The following CA6 variants were observed in gnomAD, a reference collection of about 807,000 sequenced individuals.
The protein encoded by CA6 is carbonic anhydrase 6, also known as carbonate dehydratase VI.
In CA6, 28 loss-of-function variants were observed where a neutral mutation model predicts 35.9. The observed-to-expected ratio is 0.78, with a 90% confidence interval of 0.58 to 1.07. CA6 has a LOEUF of 1.07. Ranked by LOEUF, CA6 falls within the 50% of genes least tolerant of loss-of-function variation. The pLI is 0.00. For synonymous variants in CA6, 148 were observed against 152.6 expected (o/e 0.97, Z 0.22); for missense variants, 377 against 382.0 (o/e 0.99, Z 0.11).
rs1640092755 is a variant in CA6, at chr1:8,970,904, A to G, written c.767A>G (p.Asn256Ser). The change falls in exon 7 of 8, where the codon AAC becomes AGC. Residue 256 changes from asparagine to serine, a missense_variant. Physicochemically the swap from Asn to Ser is conservative, Grantham distance 46. Coordinates refer to ENST00000377443, the MANE Select transcript of CA6 (RefSeq NM_001215.4). ...GAGAATTCCTTACTGGATCACCGCA[A>G]CAAGACCATCCACAACGATTACCGC... ...KLENSLLDHR[N>S]KTIHNDYRRT... The G allele has an allele frequency of 2.5e-6, 4 of 1,614,050 alleles. No homozygotes were observed. Among genetic ancestry groups the G allele is most frequent in the Middle Eastern group, 1.6e-4 (1 of 6,062 alleles).
intron 6 of CA6, among the ~76,000 whole-genome samples, chr1:8,969,130 A>G (rs1372225512): frequency 2.0e-5 from 3 of 152,314 alleles, no homozygotes; most frequent in East Asian, 1.9e-4. Context: ...CCTGGCCAAC[A>G]TGGTGAAACC....
Position 8,970,983 on chromosome 1 carries a change from T to C in CA6, c.844+2T>C, listed in dbSNP as rs1226276114. 6.3e-7 allele frequency: 1 copy of C among 1,581,640 alleles called. No individual in the cohort carries two copies. Among genetic ancestry groups the C allele is most frequent in the Non-Finnish European group, 8.7e-7 (1 of 1,150,544 alleles). Reference sequence around the variant, plus strand: ...TGGAATCCAACTTCCCGAATCAGGGTGAGTGAGACCGACTCTTGATCATGC... The same window carrying C: ...TGGAATCCAACTTCCCGAATCAGGGCGAGTGAGACCGACTCTTGATCATGC... On this transcript the variant is annotated splice_donor_variant, in intron 7 of 7. Coordinates refer to ENST00000377443, the MANE Select transcript of CA6 (RefSeq NM_001215.4). LOFTEE classifies it high-confidence loss of function.
At chr1:8,967,591 C>T in intron 5 of CA6, 68 bp from the exon 6 acceptor site, 1 of 1,375,278 alleles carries the variant, frequency 7.3e-7, no homozygotes, top group South Asian at 1.3e-5. Flanking sequence ...GAGGCCTGGG[C>T]CTGAGCTGTC....
chr1:8,962,649 G>A lies in CA6; in HGVS notation c.564G>A (p.Lys188=). ...TCATTTCTCATCTGGCCAACATCAA[G>A]TACCCAGGTAAGGGAAGCCAACTGT... ...SNFISHLANI[K]YPGQRTTLTG... is the part of the protein sequence containing the mutation. The change falls in exon 5 of 8, where the codon AAG becomes AAA. Residue 188 remains lysine, a synonymous_variant. Transcript: ENST00000377443. 6.2e-7 allele frequency: 1 copy of A among 1,613,650 alleles called. No individual in the cohort carries two copies. The highest frequency in any genetic ancestry group is 8.5e-7 in the Non-Finnish European group (1 of 1,179,584).
chr1:8,949,497 G>A, intron 2 of CA6, 55 bp downstream of exon 2: 1 of 1,479,310 alleles, frequency 6.8e-7, no homozygotes, highest in Non-Finnish European at 9.4e-7. Context: ...GCAGGGGAAG[G>A]CAGGTTACAC....
At chr1:8,961,100 TA>T (rs1639831950) in intron 4 of CA6, among the ~76,000 whole-genome samples, 1 of 151,674 alleles carries the variant, frequency 6.6e-6, no homozygotes, top group Non-Finnish European at 1.5e-5. Context: ...CTATATCCAA[TA>T]AACCACCCTT....
intron 2 of CA6, among the ~76,000 whole-genome samples, chr1:8,953,708 G>C (rs535989321): frequency 2.0e-5 from 3 of 152,254 alleles, no homozygotes; most frequent in African/African-American, 7.2e-5. Context: ...TAATTACCAA[G>C]AGCTTGCTTG....
Position 8,962,596 on chromosome 1 carries a change from T to G in CA6, c.511T>G (p.Tyr171Asp). The change falls in exon 5 of 8, where the codon TAC becomes GAC. Residue 171 changes from tyrosine (Y) to aspartate (D), a missense_variant. Physicochemically the swap from Tyr to Asp is radical, Grantham distance 160. Transcript: ENST00000377443. ...VLAAFVEVKN[Y>D]PENTYYSNFI... Reference sequence around the variant, plus strand: ...CTGTGTTTCTCTGCAGGTGAAGAATTACCCTGAAAACACTTATTACAGCAA... The same window carrying G: ...CTGTGTTTCTCTGCAGGTGAAGAATGACCCTGAAAACACTTATTACAGCAA... 6.2e-7 allele frequency: 1 copy of G among 1,613,778 alleles called. No individual in the cohort carries two copies. Among genetic ancestry groups the G allele is most frequent in the Non-Finnish European group, 8.5e-7 (1 of 1,179,638 alleles).
chr1:8,968,168 G>A (rs1386619333), intron 6 of CA6, among the ~76,000 whole-genome samples: 2 of 151,856 alleles, frequency 1.3e-5, no homozygotes, highest in African/African-American at 4.8e-5. Context: ...GTTTTATTAT[G>A]TTGCCCAGGC....
At position 8,974,615 on chromosome 1, in the gene CA6, T is replaced by C; in HGVS notation, c.845-7T>C. On this transcript the variant is annotated splice_polypyrimidine_tract_variant and splice_region_variant and intron_variant, in intron 7 of 7. Transcript: ENST00000377443. ...TAACCATTTCCGACTAACTCTTCTT[T>C]TTACAGAATACACTCTAGGCTCTGA... 6.3e-7 allele frequency: 1 copy of C among 1,594,986 alleles called. No individual in the cohort carries two copies. The highest frequency in any genetic ancestry group is 8.6e-7 in the Non-Finnish European group (1 of 1,165,042).
chr1:8,970,941 C>T lies in CA6; in HGVS notation c.804C>T (p.Pro268=). ...ACAACGATTACCGCAGGACCCAGCC[C>T]CTGAACCACAGAGTGGTGGAATCCA... is the stretch of plus-strand genomic sequence containing the variant. ...TIHNDYRRTQ[P]LNHRVVESNF... Residue 268 remains proline (P), a synonymous_variant, in exon 7 of 8, where the codon CCC becomes CCT. Coordinates refer to ENST00000377443, the MANE Select transcript of CA6 (RefSeq NM_001215.4). 6.2e-7 allele frequency: 1 copy of T among 1,614,022 alleles called. No homozygotes were observed. The highest frequency in any genetic ancestry group is 1.1e-5 in the South Asian group (1 of 91,080).
intron 1 of CA6, 138 bp downstream of exon 1, chr1:8,946,103 T>C (rs1305532741): frequency 1.1e-5 from 7 of 609,508 alleles, no homozygotes; most frequent in Admixed American, 6.2e-5. Context: ...AGTAGTGTGA[T>C]GTTGGCTCAC....
At chr1:8,962,010 T>C (rs1639853448) in intron 4 of CA6, among the ~76,000 whole-genome samples, 1 of 152,014 alleles carries the variant, frequency 6.6e-6, no homozygotes, top group African/African-American at 2.4e-5. Context: ...GAGGCCGAGG[T>C]GGGCCGATCA....
At chr1:8,959,931 C>CAAAAAAAAAAAAAAAAAAAAAAA (rs373250863) in intron 4 of CA6, among the ~76,000 whole-genome samples, 11 of 75,172 alleles carry the variant, frequency 1.5e-4, no homozygotes, top group African/African-American at 7.4e-4. Flanking sequence ...GATTCTATCT[C>CAAAAAAAAAAAAAAAAAAAAAAA]AAAAAAAAAA....
At chr1:8,955,535 T>C (rs1397334709) in intron 2 of CA6, among the ~76,000 whole-genome samples, 1 of 143,966 alleles carries the variant, frequency 6.9e-6, no homozygotes, top group African/African-American at 2.6e-5. Context: ...ATTTCTCCTG[T>C]GGTGCTTACT....
At chr1:8,949,015 G>T (rs550173661) in intron 1 of CA6, among the ~76,000 whole-genome samples, 52 of 151,442 alleles carry the variant, frequency 3.4e-4, no homozygotes, top group Middle Eastern at 3.5e-3. Context: ...ACACTGTCTT[G>T]CTCCCAGGGC....
At position 8,973,760 on chromosome 1, in the gene CA6, CT is replaced by C. The variant is rs1263884124; in HGVS notation, c.845-859del. Among the ~76,000 whole-genome samples the C allele has an allele frequency of 2.3e-3, 51 of 21,746 alleles. 1 individual carries two copies. Among genetic ancestry groups the C allele is most frequent in the African/African-American group, 0.022 (50 of 2,304 alleles). The allele number at this position is 21,746 out of a possible 152,430, so 14.3% of individuals were successfully genotyped here. On this transcript the variant is annotated intron_variant, in intron 7 of 7. Transcript: ENST00000377443. ...TCTTTCTTTCTTTCTTTCTTTCTTT[CT>C]TTCTTTCTTTCTTTCTTTCTTTCTT...
chr1:8,958,611 A>G (rs554580086), intron 3 of CA6, among the ~76,000 whole-genome samples: 22 of 152,326 alleles, frequency 1.4e-4, no homozygotes, highest in Admixed American at 5.9e-4. Flanking sequence ...CACTGTCCTC[A>G]TGTGATCCCT....
chr1:8,959,881 G>A (rs1174827411), intron 4 of CA6, among the ~76,000 whole-genome samples: 2 of 136,316 alleles, frequency 1.5e-5, no homozygotes, highest in Non-Finnish European at 3.1e-5. Flanking sequence ...GCAGTGAGCC[G>A]AGATCGTGCT....
Sources: allele counts gnomAD v4.1 joint callset (sites outside exome capture counted in the v4.1 genomes callset), GRCh38; gene constraint gnomAD v4.1.1; transcripts MANE v1.5; gene names NCBI Gene and HGNC (gene_info 2026-07-23, HGNC 2026-07-21).